Variants in NAA11 observed in about 807,000 individuals in gnomAD.
The protein encoded by NAA11 is N-alpha-acetyltransferase 11.
Under a neutral mutation model 16.1 loss-of-function variants are expected in NAA11, and 15 were observed. The observed-to-expected ratio is 0.93, with a 90% CI of 0.62 to 1.44. The LOEUF (loss-of-function observed/expected upper bound fraction) is 1.44, where lower values mean the gene tolerates loss of function less well. Among genes scored for constraint, NAA11 ranks in the 40% most tolerant of loss-of-function variants. The probability of loss-of-function intolerance (pLI) is 0.00; values close to 1 mark genes in which losing one functional copy is unlikely to be tolerated. For missense variants in NAA11, 298 were observed against 291.3 expected (o/e 1.02, Z -0.17); for synonymous variants, 122 against 112.4 (o/e 1.09, Z -0.54).
the NAA11 span, among the ~76,000 whole-genome samples, chr4:79,176,459 G>T: frequency 6.6e-6 from 1 of 152,118 alleles, no homozygotes; most frequent in Non-Finnish European, 1.5e-5. Flanking sequence ...GGAGACTCAG[G>T]AAAGAGTTGC....
chr4:79,279,013 CATT>C (rs1329391571), intron 2 of NAA11, among the ~76,000 whole-genome samples: 1 of 151,958 alleles, frequency 6.6e-6, no homozygotes, highest in Non-Finnish European at 1.5e-5. Context: ...GTTAGAGTAG[CATT>C]AATCCATTCA....
Position 79,316,929 on chromosome 4 carries a change from T to C in NAA11, c.*875A>G, listed in dbSNP as rs148799362. 2 of 152,318 alleles carry C rather than the reference T, an allele frequency of 1.3e-5. No homozygotes were observed. The highest frequency in any genetic ancestry group is 3.9e-4 in the East Asian group (2 of 5,180). 9.4% of individuals were successfully genotyped at this position (152,318 alleles called of 1,614,324 possible). A position where few individuals can be genotyped will look rare whatever the true frequency, so the allele number is the denominator to read the frequency against. On this transcript the variant is annotated 3_prime_UTR_variant, in exon 2 of 2. Coordinates refer to ENST00000286794, the MANE Select transcript of NAA11 (RefSeq NM_032693.3). ...AACAGAATTGGGTTCAGATCCAGGA[T>C]ATTTAATTCACTTCTCTGAGCTTCA...
the NAA11 span, among the ~76,000 whole-genome samples, chr4:79,181,010 CAT>C: frequency 1.3e-5 from 2 of 151,964 alleles, no homozygotes; most frequent in Non-Finnish European, 2.9e-5. Context: ...TGTTCTCACT[CAT>C]AGGTGGCGAC....
chr4:79,269,597 T>A lies in NAA11; in HGVS notation c.*122+24408A>T, dbSNP rs1357881064. On this transcript the variant is annotated intron_variant and NMD_transcript_variant, in intron 2 of 2. Transcript: ENST00000511542. ...GTTTGAGTTCCTTGTAGATTCTGGA[T>A]ATTAGCCCTTTGTCAGATGAGTAGG... Among the ~76,000 whole-genome samples, 35 of 150,406 alleles carry A rather than the reference T, an allele frequency of 2.3e-4. 1 individual carries two copies. The highest frequency in any genetic ancestry group is 1.8e-3 in the Admixed American group (28 of 15,154).
chr4:79,300,003 T>C (rs1723338528), intron 1 of NAA11, among the ~76,000 whole-genome samples: 1 of 152,132 alleles, frequency 6.6e-6, no homozygotes, highest in African/African-American at 2.4e-5. Flanking sequence ...CGCTTTCAGG[T>C]GATGGAAATG....
chr4:79,292,408 T>C (rs1033100413), intron 2 of NAA11, among the ~76,000 whole-genome samples: 1 of 152,192 alleles, frequency 6.6e-6, no homozygotes, highest in African/African-American at 2.4e-5. Flanking sequence ...TCCTTACATA[T>C]ATGACCATCT....
At chr4:79,221,041 T>G (rs1721178863), downstream of NAA11, among the ~76,000 whole-genome samples, 1 of 151,726 alleles carries the variant, frequency 6.6e-6, no homozygotes, top group African/African-American at 2.4e-5. Context: ...GTATCCTCTT[T>G]TATTTCCTTG....
chr4:79,250,285 G>A (rs1189086912), intron 2 of NAA11, among the ~76,000 whole-genome samples: 1 of 152,252 alleles, frequency 6.6e-6, no homozygotes, highest in Admixed American at 6.5e-5. Context: ...CCCATAGGAA[G>A]AGGGCTGAAG....
rs374021323 is a variant in NAA11 at position 79,283,717 on chromosome 4, T to A, written c.*122+10288A>T. Reference sequence around the variant, plus strand: ...GTCACTGTATGTCTGTGATAAAATGTGGTCTCAAAATCTATGCATATCATT... The same window carrying A: ...GTCACTGTATGTCTGTGATAAAATGAGGTCTCAAAATCTATGCATATCATT... On this transcript the variant is annotated intron_variant and NMD_transcript_variant, in intron 2 of 2. Coordinates refer to the NAA11 transcript ENST00000511542. Among the ~76,000 whole-genome samples the A allele has an allele frequency of 4.2e-3, 632 of 152,226 alleles. 1 individual carries two copies. Among genetic ancestry groups the A allele is most frequent in the African/African-American group, 0.014 (601 of 41,548 alleles).
chr4:79,287,468 T>C (rs146126959), intron 2 of NAA11, among the ~76,000 whole-genome samples: 9 of 152,236 alleles, frequency 5.9e-5, no homozygotes, highest in Admixed American at 1.3e-4. Context: ...GTAAGTTTTT[T>C]TTTTCTTTTT....
intron 2 of NAA11, among the ~76,000 whole-genome samples, chr4:79,267,624 C>G (rs894401130): frequency 6.6e-6 from 1 of 152,102 alleles, no homozygotes; most frequent in African/African-American, 2.4e-5. Flanking sequence ...AGATTGAACT[C>G]TGACAGAAAA....
chr4:79,220,411 G>A, the NAA11 span, among the ~76,000 whole-genome samples: 1 of 150,258 alleles, frequency 6.7e-6, no homozygotes, highest in Non-Finnish European at 1.5e-5. Context: ...CTTTTCAATG[G>A]AATAGGTTTG....
intron 2 of NAA11, chr4:79,226,312 C>A (rs1721310938): frequency 6.6e-6 from 1 of 152,010 alleles, no homozygotes; most frequent in Admixed American, 6.6e-5. Flanking sequence ...CAAGGACTTT[C>A]CTTTTAAGAA....
chr4:79,285,426 C>G (rs1391048814), intron 2 of NAA11, among the ~76,000 whole-genome samples: 2 of 151,868 alleles, frequency 1.3e-5, no homozygotes, highest in Non-Finnish European at 2.9e-5. Context: ...TCTGAAAAAC[C>G]AAGAGCAACT....
chr4:79,319,620 T>C (rs1302083305), intron 1 of NAA11, among the ~76,000 whole-genome samples: 1 of 152,224 alleles, frequency 6.6e-6, no homozygotes, highest in Admixed American at 6.5e-5. Context: ...TCATCCTACA[T>C]GTACATCATA....
intron 2 of NAA11, among the ~76,000 whole-genome samples, chr4:79,239,526 C>G (rs1721643888): frequency 6.6e-6 from 1 of 151,974 alleles, no homozygotes; most frequent in African/African-American, 2.4e-5. Flanking sequence ...GTGGCAAAAG[C>G]CCATCCTACT....
At chr4:79,173,535 T>C in the NAA11 span, among the ~76,000 whole-genome samples, 3 of 152,196 alleles carry the variant, frequency 2.0e-5, no homozygotes, top group African/African-American at 7.2e-5. Context: ...TATTAACATA[T>C]GATTAAGAAC....
chr4:79,192,596 A>G, the NAA11 span, among the ~76,000 whole-genome samples: 1 of 151,852 alleles, frequency 6.6e-6, no homozygotes, highest in Non-Finnish European at 1.5e-5. Context: ...CATGGTGTAT[A>G]TGTGCCACAT....
intron 2 of NAA11, among the ~76,000 whole-genome samples, chr4:79,280,679 C>T (rs1309498496): frequency 2.0e-5 from 3 of 151,872 alleles, no homozygotes; most frequent in Non-Finnish European, 4.4e-5. Context: ...CTTCAGGAAA[C>T]TCTGTGGAGT....
Sources: gnomAD v4.1 joint callset for allele counts (sites outside exome capture counted in the v4.1 genomes callset) on GRCh38, gnomAD v4.1.1 for gene constraint, MANE v1.5 for transcripts, NCBI Gene and HGNC (gene_info 2026-07-23, HGNC 2026-07-21) for gene names.